Variants in TNS1 observed in about 807,000 individuals in gnomAD.
TNS1 encodes the protein tensin-1.
In TNS1, 62 loss-of-function variants were observed where a neutral mutation model predicts 168.6. That is an observed-to-expected ratio of 0.37 (90% CI 0.30 to 0.45). TNS1 has a LOEUF of 0.45. TNS1 is among the 20% of genes least tolerant of loss of function. The pLI is 1.00. For missense variants in TNS1, 2,240 were observed against 2,339.4 expected (o/e 0.96, Z 0.88); for synonymous variants, 934 against 933.2 (o/e 1.00, Z -0.02).
chr2:217,950,850 C>G (rs931383626), intron 3 of TNS1, among the ~76,000 whole-genome samples: 1 of 151,788 alleles, frequency 6.6e-6, no homozygotes, highest in Non-Finnish European at 1.5e-5. Context: ...GTTTACCCCT[C>G]GGCTCACTTT....
intron 4 of TNS1, among the ~76,000 whole-genome samples, chr2:217,919,609 G>A (rs963599039): frequency 6.6e-6 from 1 of 152,246 alleles, no homozygotes; most frequent in Admixed American, 6.5e-5. Flanking sequence ...TGGCATCAGG[G>A]TGGAGCAGGG....
At chr2:217,915,275 T>G (rs1283547335) in intron 4 of TNS1, among the ~76,000 whole-genome samples, 2 of 152,222 alleles carry the variant, frequency 1.3e-5, no homozygotes, top group Admixed American at 1.3e-4. Context: ...TCTGCTTCCA[T>G]GAGGCAGCAC....
At chr2:217,927,655 G>T (rs111632732) in intron 3 of TNS1, among the ~76,000 whole-genome samples, 2 of 152,172 alleles carry the variant, frequency 1.3e-5, no homozygotes, top group Non-Finnish European at 2.9e-5. Context: ...GCACCCTGAA[G>T]CCTAGGGGCC....
In TNS1 at chr2:217,884,804, C is replaced by G. The variant is rs1296317646; in HGVS notation, c.1246+231G>C. Among the ~76,000 whole-genome samples, 4 of 152,180 alleles carry G rather than the reference C, an allele frequency of 2.6e-5. No homozygotes were observed. In the East Asian group the frequency reaches 7.7e-4, roughly 29 times the overall value. On this transcript the variant is annotated intron_variant, in intron 16 of 32. Transcript: ENST00000682258. ...TAGAAGGCTGCAAGATATAAAACAGCCCAAGGACTGGGAGGAGTTTATCTC... is the reference window on the plus strand; with the variant it reads ...TAGAAGGCTGCAAGATATAAAACAGGCCAAGGACTGGGAGGAGTTTATCTC...
chr2:217,929,463 C>T (rs1216737332), intron 3 of TNS1, among the ~76,000 whole-genome samples: 1 of 152,138 alleles, frequency 6.6e-6, no homozygotes, highest in Non-Finnish European at 1.5e-5. Flanking sequence ...AGCAAGCCTA[C>T]CGGGGCAGGG....
intron 3 of TNS1, among the ~76,000 whole-genome samples, chr2:217,929,120 A>AC (rs3838559): frequency 0.19 from 29,185 of 152,168 alleles, 2,952 homozygotes; most frequent in African/African-American, 0.21. Flanking sequence ...AAGCTGTGGG[A>AC]CCATGGGCCT....
intron 11 of TNS1, among the ~76,000 whole-genome samples, chr2:217,891,706 G>A (rs890965250): frequency 3.9e-5 from 6 of 152,202 alleles, no homozygotes; most frequent in African/African-American, 9.7e-5. Flanking sequence ...GTGAGGCCGC[G>A]AGGCCCCATG....
In TNS1 at chr2:217,902,727, G is replaced by A. The variant is rs76056180; in HGVS notation, c.322-2215C>T. On this transcript the variant is annotated intron_variant, in intron 6 of 32. Coordinates refer to ENST00000682258, the MANE Select transcript of TNS1 (RefSeq NM_001387777.1). ...AAGCCCGCTCTGCTCCACCGGGCGG[G>A]GAGGGGAGGGGAGGCATGGGGAGGA... Among the ~76,000 whole-genome samples, 1,344 of 152,326 alleles carry A rather than the reference G, an allele frequency of 8.8e-3. 24 individuals carry two copies. The highest frequency in any genetic ancestry group is 0.031 in the African/African-American group (1,268 of 41,558).
chr2:217,974,489 A>G (rs1314365314), intron 3 of TNS1, among the ~76,000 whole-genome samples: 1 of 152,118 alleles, frequency 6.6e-6, no homozygotes, highest in African/African-American at 2.4e-5. Context: ...TGGACTAGGT[A>G]CTATTCGGGA....
chr2:217,964,988 G>A (rs1957588017), intron 3 of TNS1, among the ~76,000 whole-genome samples: 1 of 152,226 alleles, frequency 6.6e-6, no homozygotes, highest in Non-Finnish European at 1.5e-5. Context: ...GAGCAGGGGT[G>A]TCAAAGATCC....
At position 217,848,550 on chromosome 2, in the gene TNS1, C is replaced by A; in HGVS notation, c.1967G>T (p.Gly656Val). The A allele has an allele frequency of 6.2e-7, 1 of 1,614,088 alleles. No individual in the cohort carries two copies. Among genetic ancestry groups the A allele is most frequent in the South Asian group, 1.1e-5 (1 of 91,068 alleles). ...SLDGVTNTSE[G>V]GYPEALSPLT... ...TGGGGACAGGGCCTCTGGGTAGCCCCCCTCACTGGTGTTGGTGACCCCGTC... is the reference window on the plus strand; with the variant it reads ...TGGGGACAGGGCCTCTGGGTAGCCCACCTCACTGGTGTTGGTGACCCCGTC... The change falls in exon 19 of 33, where the codon GGG (glycine) becomes GTG (valine). Residue 656 changes from glycine to valine, a missense_variant. Gly to Val is a moderately radical substitution (Grantham distance 109). Around this residue, in one of 2 missense-constraint regions of TNS1, gnomAD observed 2,131 missense variants for 2,171.2 expected, o/e 0.98. Coordinates refer to ENST00000682258, the MANE Select transcript of TNS1 (RefSeq NM_001387777.1).
At chr2:218,023,492 C>G (rs1005985848) in intron 1 of TNS1, among the ~76,000 whole-genome samples, 1 of 152,200 alleles carries the variant, frequency 6.6e-6, no homozygotes, top group Non-Finnish European at 1.5e-5. Flanking sequence ...GCCCAGGGCT[C>G]TCCTCCATTC....
chr2:217,859,512 G>T, intron 18 of TNS1: 2 of 792,260 alleles, frequency 2.5e-6, no homozygotes, highest in Non-Finnish European at 4.2e-6. Flanking sequence ...CCCAGGCAGG[G>T]CTCCAGGAGG....
chr2:217,805,876 T>C, intron 32 of TNS1, among the ~76,000 whole-genome samples: 2 of 73,618 alleles, frequency 2.7e-5, no homozygotes, highest in Admixed American at 1.5e-4. Context: ...ACACAACATA[T>C]ACACACACCA....
chr2:217,878,959 G>A (rs1950441433), intron 18 of TNS1, among the ~76,000 whole-genome samples: 1 of 152,178 alleles, frequency 6.6e-6, no homozygotes, highest in Non-Finnish European at 1.5e-5. Flanking sequence ...CTCAGACAGA[G>A]GGATGGAACC....
intron 11 of TNS1, among the ~76,000 whole-genome samples, chr2:217,891,547 C>T (rs961359510): frequency 3.3e-5 from 5 of 152,136 alleles, no homozygotes; most frequent in Non-Finnish European, 5.9e-5. Flanking sequence ...TTGGGTTGCT[C>T]GAAGTCCTAA....
chr2:217,926,288 A>G (rs1575096278), intron 3 of TNS1, among the ~76,000 whole-genome samples: 2 of 152,332 alleles, frequency 1.3e-5, no homozygotes, highest in Middle Eastern at 3.4e-3. Context: ...ATGGCAGCCC[A>G]AGCAGACTAA....
chr2:217,982,400 CTT>C (rs59697675), intron 2 of TNS1, among the ~76,000 whole-genome samples: 104 of 136,008 alleles, frequency 7.6e-4, no homozygotes, highest in African/African-American at 1.4e-3. Context: ...TTCTTCTTTT[CTT>C]TTTTTTTTTT....
chr2:217,974,793 T>C (rs1957853768), intron 3 of TNS1, among the ~76,000 whole-genome samples: 1 of 152,170 alleles, frequency 6.6e-6, no homozygotes, highest in Admixed American at 6.6e-5. Context: ...GTATGTCTGA[T>C]TCCCGTACCC....
Sources: gnomAD v4.1 joint callset for allele counts (sites outside exome capture counted in the v4.1 genomes callset) on GRCh38, gnomAD v4.1.1 for gene constraint, gnomAD v4.1.1 regional missense constraint, MANE v1.5 for transcripts, NCBI Gene and HGNC (gene_info 2026-07-23, HGNC 2026-07-21) for gene names.